Variants in SEMA3E observed in about 807,000 individuals in gnomAD.
SEMA3E encodes semaphorin 3E.
Under a neutral mutation model 93.6 loss-of-function variants are expected in SEMA3E, and 49 were observed. That is an observed-to-expected ratio of 0.52 (90% CI 0.42 to 0.66). SEMA3E has a LOEUF of 0.66. SEMA3E is among the 30% of genes least tolerant of loss of function. The probability of loss-of-function intolerance (pLI) is 0.00; values close to 1 mark genes in which losing one functional copy is unlikely to be tolerated. For missense variants in SEMA3E, 906 were observed against 964.8 expected, an observed-to-expected ratio of 0.94 and a Z score of 0.81; for synonymous variants, 363 against 330.7, an observed-to-expected ratio of 1.10 and a Z score of -1.06.
intron 4 of SEMA3E, among the ~76,000 whole-genome samples, chr7:83,450,152 A>G (rs1331422871): frequency 6.6e-6 from 1 of 152,218 alleles, no homozygotes; most frequent in African/African-American, 2.4e-5. Context: ...GGTAACTAGA[A>G]AACTTATACA....
chr7:83,540,320 A>G (rs190713696), intron 1 of SEMA3E, among the ~76,000 whole-genome samples: 15 of 152,338 alleles, frequency 9.8e-5, no homozygotes, highest in Admixed American at 7.8e-4. Context: ...ACATTAATCT[A>G]CTAAACCACA....
At chr7:83,645,522 G>A (rs1794067779) in intron 1 of SEMA3E, among the ~76,000 whole-genome samples, 2 of 152,024 alleles carry the variant, frequency 1.3e-5, no homozygotes, top group South Asian at 2.1e-4. Context: ...TTTATGTATT[G>A]CTTCAACAAG....
At chr7:83,511,336 A>T (rs1246780143) in intron 1 of SEMA3E, among the ~76,000 whole-genome samples, 2 of 151,552 alleles carry the variant, frequency 1.3e-5, no homozygotes, top group East Asian at 3.9e-4. Context: ...GAAAAGATTC[A>T]AAGAAATGTC....
intron 1 of SEMA3E, among the ~76,000 whole-genome samples, chr7:83,538,451 T>C (rs1178995666): frequency 6.6e-6 from 1 of 152,192 alleles, no homozygotes; most frequent in Admixed American, 6.5e-5. Flanking sequence ...TTGAGCATCT[T>C]TTCATGTGCT....
intron 5 of SEMA3E, among the ~76,000 whole-genome samples, chr7:83,410,993 T>G (rs2115665158): frequency 6.6e-6 from 1 of 152,222 alleles, no homozygotes; most frequent in Non-Finnish European, 1.5e-5. Flanking sequence ...CTTTACATTT[T>G]TAATATTTGA....
chr7:83,389,177 ATT>A (rs1787942989), intron 14 of SEMA3E, among the ~76,000 whole-genome samples: 1 of 152,112 alleles, frequency 6.6e-6, no homozygotes, highest in African/African-American at 2.4e-5. Context: ...ATGATTCTAT[ATT>A]GTTTTATACT....
chr7:83,383,001 G>T (rs1180238862), intron 16 of SEMA3E, among the ~76,000 whole-genome samples: 1 of 151,900 alleles, frequency 6.6e-6, no homozygotes, highest in Non-Finnish European at 1.5e-5. Context: ...GGCTGAGTTT[G>T]AATCTGAACA....
chr7:83,374,928 T>A (rs564734099), intron 16 of SEMA3E, among the ~76,000 whole-genome samples: 2 of 151,572 alleles, frequency 1.3e-5, no homozygotes, highest in South Asian at 4.2e-4. Flanking sequence ...GCATCTGAAG[T>A]GAAAAAAAAC....
chr7:83,460,717 C>T (rs963797557), intron 4 of SEMA3E, among the ~76,000 whole-genome samples: 9 of 151,508 alleles, frequency 5.9e-5, no homozygotes, highest in Non-Finnish European at 1.0e-4. Context: ...TTCTGCGCCC[C>T]GACCTCTTGT....
intron 1 of SEMA3E, among the ~76,000 whole-genome samples, chr7:83,537,787 T>C (rs1791435970): frequency 6.6e-6 from 1 of 152,150 alleles, no homozygotes; most frequent in Non-Finnish European, 1.5e-5. Context: ...CAACAGTCAA[T>C]ATTGGGACAT....
chr7:83,547,952 T>G (rs529023789), intron 1 of SEMA3E, among the ~76,000 whole-genome samples: 53 of 152,234 alleles, frequency 3.5e-4, no homozygotes, highest in African/African-American at 1.1e-3. Flanking sequence ...CATTTCCCAG[T>G]CTGGATGAGG....
intron 1 of SEMA3E, among the ~76,000 whole-genome samples, chr7:83,506,218 C>G (rs1790702933): frequency 6.6e-6 from 1 of 151,854 alleles, no homozygotes; most frequent in Admixed American, 6.6e-5. Context: ...GCAACCTAAG[C>G]TTCCATCAAC....
In SEMA3E at chr7:83,637,790, T is replaced by TC. The variant is rs59026090; in HGVS notation, c.115+10637_115+10638insG. On this transcript the variant is annotated intron_variant, in intron 1 of 16. Transcript: ENST00000643230. ...TAAATTATCCAGTCTCTGGCAGTTC[T>TC]TTTTTTTTTTTTTTTTCATTCAAAA... 2.8e-4 allele frequency among the ~76,000 whole-genome samples: 8 copies of TC among 28,488 alleles called. No homozygotes were observed. In the South Asian group the frequency reaches 0.012, roughly 41 times the overall value. 18.7% of individuals were successfully genotyped at this position (28,488 alleles called of 152,430 possible). A position where few individuals can be genotyped will look rare whatever the true frequency, so the allele number is the denominator to read the frequency against.
chr7:83,549,554 G>A (rs1791718429), intron 1 of SEMA3E, among the ~76,000 whole-genome samples: 1 of 151,796 alleles, frequency 6.6e-6, no homozygotes, highest in Admixed American at 6.6e-5. Context: ...TCATATTTAG[G>A]TATTTCATCA....
At chr7:83,512,968 G>C (rs541641712) in intron 1 of SEMA3E, among the ~76,000 whole-genome samples, 1 of 152,184 alleles carries the variant, frequency 6.6e-6, no homozygotes, top group Non-Finnish European at 1.5e-5. Flanking sequence ...CTAAACTAAT[G>C]ACATACATAT....
chr7:83,401,151 C>G (rs1033996022), intron 10 of SEMA3E, among the ~76,000 whole-genome samples: 2 of 152,114 alleles, frequency 1.3e-5, no homozygotes, highest in Non-Finnish European at 2.9e-5. Flanking sequence ...AATTTTTAAA[C>G]TACTGACTAA....
intron 1 of SEMA3E, among the ~76,000 whole-genome samples, chr7:83,546,706 T>G (rs1791657924): frequency 6.6e-6 from 1 of 152,076 alleles, no homozygotes; most frequent in Admixed American, 6.6e-5. Context: ...GACAAAAGAT[T>G]TCATGTTCAT....
chr7:83,471,304 C>T (rs568570446), intron 2 of SEMA3E, among the ~76,000 whole-genome samples: 6 of 116,936 alleles, frequency 5.1e-5, no homozygotes, highest in African/African-American at 1.7e-4. Context: ...CTACATAACA[C>T]TATAGTAATT....
intron 4 of SEMA3E, among the ~76,000 whole-genome samples, chr7:83,454,899 C>A (rs1011483489): frequency 6.6e-6 from 1 of 152,184 alleles, no homozygotes; most frequent in African/African-American, 2.4e-5. Context: ...TGGAAGACAT[C>A]ATTTCCAGTC....
Sources: allele counts gnomAD v4.1 joint callset (sites outside exome capture counted in the v4.1 genomes callset), GRCh38; gene constraint gnomAD v4.1.1; transcripts MANE v1.5; gene names NCBI Gene and HGNC (gene_info 2026-07-23, HGNC 2026-07-21).